Variants in DCC observed in about 807,000 individuals in gnomAD.
The protein encoded by DCC is DCC netrin 1 receptor.
DCC carries 58 observed loss-of-function variants against 172.5 expected under a neutral mutation model. That is an observed-to-expected ratio of 0.34 (90% confidence interval 0.27 to 0.42). The LOEUF (loss-of-function observed/expected upper bound fraction) is 0.42, where lower values mean the gene tolerates loss of function less well. Among genes scored for constraint, DCC ranks in the 10% least tolerant of loss-of-function variants. The probability of loss-of-function intolerance (pLI) is 1.00; values close to 1 mark genes in which losing one functional copy is unlikely to be tolerated. For missense variants in DCC, 1,740 were observed against 1,791.0 expected, an observed-to-expected ratio of 0.97 and a Z score of 0.51; for synonymous variants, 709 against 644.5, an observed-to-expected ratio of 1.10 and a Z score of -1.52.
At chr18:53,007,711 G>A (rs1425627071) in intron 5 of DCC, among the ~76,000 whole-genome samples, 1 of 151,828 alleles carries the variant, frequency 6.6e-6, no homozygotes, top group Non-Finnish European at 1.5e-5. Context: ...GGAAATTTAT[G>A]TTCCCAAAAT....
chr18:53,065,263 G>C (rs2042549406), intron 6 of DCC, among the ~76,000 whole-genome samples: 1 of 152,182 alleles, frequency 6.6e-6, no homozygotes, highest in Non-Finnish European at 1.5e-5. Context: ...AATGACTTCA[G>C]GGGAGGTGAT....
chr18:52,370,869 G>A (rs1034875706), intron 1 of DCC, among the ~76,000 whole-genome samples: 2 of 152,212 alleles, frequency 1.3e-5, no homozygotes, highest in African/African-American at 2.4e-5. Context: ...AGATGGCAGA[G>A]TGTCTCAAGG....
chr18:53,269,612 G>A (rs192946769), intron 12 of DCC, among the ~76,000 whole-genome samples: 81 of 152,198 alleles, frequency 5.3e-4, no homozygotes, highest in African/African-American at 1.8e-3. Context: ...CCTGTTTTGC[G>A]CCAGGCACAA....
intron 9 of DCC, among the ~76,000 whole-genome samples, chr18:53,191,712 G>C (rs2144513386): frequency 6.6e-6 from 1 of 152,174 alleles, no homozygotes; most frequent in South Asian, 2.1e-4. Context: ...GTTTCTAAAA[G>C]TTATCTAAAT....
intron 5 of DCC, among the ~76,000 whole-genome samples, chr18:52,995,315 G>C (rs2145629615): frequency 6.6e-6 from 1 of 152,198 alleles, no homozygotes; most frequent in Admixed American, 6.6e-5. Flanking sequence ...CAGATTTAAA[G>C]TCAGCAGCAA....
At chr18:52,611,582 C>T (rs934210651) in intron 1 of DCC, among the ~76,000 whole-genome samples, 1 of 152,136 alleles carries the variant, frequency 6.6e-6, no homozygotes, top group African/African-American at 2.4e-5. Flanking sequence ...TCTTTTAGAT[C>T]TTCATGTTGG....
intron 1 of DCC, among the ~76,000 whole-genome samples, chr18:52,659,090 A>G (rs1298149369): frequency 6.6e-6 from 1 of 152,150 alleles, no homozygotes; most frequent in African/African-American, 2.4e-5. Flanking sequence ...CCATCATTTT[A>G]CCTTTTGCCC....
chr18:52,733,744 C>T (rs774828800), intron 1 of DCC, among the ~76,000 whole-genome samples: 12 of 152,114 alleles, frequency 7.9e-5, no homozygotes, highest in South Asian at 2.1e-4. Context: ...AGTCCTCCTG[C>T]CTCAGCCTCC....
At chr18:53,179,219 A>T (rs2055156746) in intron 9 of DCC, 103 bp downstream of exon 9, 1 of 1,207,078 alleles carries the variant, frequency 8.3e-7, no homozygotes, top group East Asian at 2.5e-5. Flanking sequence ...AAAAGCGAAG[A>T]AGAGTTTTTT....
rs945076621 is a variant in DCC, at chr18:53,494,460, G to T, written c.3899-4838G>T. On this transcript the variant is annotated intron_variant, in intron 26 of 28. Transcript: ENST00000442544. ...TGTGGGAGTCTAAATCTCTTTGTAG[G>T]TCTATAAGAACTTGCTTTATGAATC... Among the ~76,000 whole-genome samples the T allele has an allele frequency of 2.0e-5, 3 of 152,144 alleles. No individual in the cohort carries two copies. In the East Asian group the frequency reaches 5.8e-4, roughly 29 times the overall value.
intron 2 of DCC, among the ~76,000 whole-genome samples, chr18:52,792,034 G>A (rs2037780519): frequency 6.6e-6 from 1 of 152,042 alleles, no homozygotes; most frequent in African/African-American, 2.4e-5. Context: ...CTAGAAGAGG[G>A]GTGCAATAAG....
At chr18:52,884,962 G>A (rs571955043) in intron 2 of DCC, among the ~76,000 whole-genome samples, 2 of 152,164 alleles carry the variant, frequency 1.3e-5, no homozygotes, top group East Asian at 3.9e-4. Context: ...ACTTCTCTGG[G>A]TTACCATGCA....
intron 21 of DCC, among the ~76,000 whole-genome samples, chr18:53,428,015 A>G (rs1239234524): frequency 1.4e-5 from 1 of 73,040 alleles, no homozygotes; most frequent in African/African-American, 4.7e-5. Context: ...ATATAATACT[A>G]TAATAATATA....
chr18:53,070,974 T>G (rs2042643969), intron 7 of DCC, among the ~76,000 whole-genome samples: 1 of 152,214 alleles, frequency 6.6e-6, no homozygotes, highest in African/African-American at 2.4e-5. Flanking sequence ...CATAGCCCTC[T>G]CTGTTTAAGT....
At chr18:53,385,399 T>G (rs1319844677) in intron 15 of DCC, among the ~76,000 whole-genome samples, 1 of 152,218 alleles carries the variant, frequency 6.6e-6, no homozygotes, top group Non-Finnish European at 1.5e-5. Context: ...GGATACAGAC[T>G]GAAAACTATG....
chr18:52,729,084 A>G lies in DCC; in HGVS notation c.92-22970A>G, dbSNP rs187397243. On this transcript the variant is annotated intron_variant, in intron 1 of 28. Coordinates refer to ENST00000442544, the MANE Select transcript of DCC (RefSeq NM_005215.4). The stretch of plus-strand genomic sequence containing the variant: ...AAATTTAAGCATAATCTCTATTTTG[A>G]ATGAAACTGTTATAAGAGAGAAAAG... Among the ~76,000 whole-genome samples, 16 of 152,302 alleles carry G rather than the reference A, an allele frequency of 1.1e-4. No individual in the cohort carries two copies. In the East Asian group the frequency reaches 3.1e-3, roughly 29 times the overall value.
chr18:53,159,696 G>A (rs1018202020), intron 8 of DCC, among the ~76,000 whole-genome samples: 2 of 145,580 alleles, frequency 1.4e-5, no homozygotes, highest in African/African-American at 4.9e-5. Flanking sequence ...TAAAAGTGTG[G>A]TTTCTATAAT....
chr18:53,171,850 T>G (rs1041246141), intron 8 of DCC, among the ~76,000 whole-genome samples: 1 of 137,232 alleles, frequency 7.3e-6, no homozygotes, highest in Non-Finnish European at 1.6e-5. Flanking sequence ...TCAGAATGGC[T>G]ATTACTAAAA....
chr18:52,390,691 G>T (rs1447094173), intron 1 of DCC, among the ~76,000 whole-genome samples: 1 of 152,044 alleles, frequency 6.6e-6, no homozygotes. Flanking sequence ...TAGGATGAAG[G>T]AAAGAGAAGA....
Sources: allele counts gnomAD v4.1 joint callset (sites outside exome capture counted in the v4.1 genomes callset), GRCh38; gene constraint gnomAD v4.1.1; transcripts MANE v1.5; gene names NCBI Gene and HGNC (gene_info 2026-07-23, HGNC 2026-07-21).